The following PADI1 variants were observed in gnomAD, a reference collection of about 807,000 sequenced individuals.
PADI1 encodes the protein peptidyl arginine deiminase 1, also known as protein-arginine deiminase type-1.
PADI1 carries 65 observed loss-of-function variants against 74.8 expected under a neutral mutation model. The ratio of observed to expected loss-of-function variants is 0.87; its 90% CI spans 0.71 to 1.07. The LOEUF (loss-of-function observed/expected upper bound fraction) is 1.07, where lower values mean the gene tolerates loss of function less well. PADI1 is among the 50% of genes least tolerant of loss of function. The probability of loss-of-function intolerance (pLI) is 0.00; values close to 1 mark genes in which losing one functional copy is unlikely to be tolerated. For missense variants in PADI1, 943 were observed against 854.0 expected (o/e 1.10, Z -1.30); for synonymous variants, 371 against 336.2 (o/e 1.10, Z -1.13).
rs1183493800 is a variant in PADI1, at chr1:17,222,301, A to C, written c.104A>C (p.Lys35Thr). 6.2e-7 allele frequency: 1 copy of C among 1,613,736 alleles called. No homozygotes were observed. Among genetic ancestry groups the C allele is most frequent in the East Asian group, 2.2e-5 (1 of 44,854 alleles). ...AHVDIHSDVP[K>T]GANSFRVSGS... ...CTCTTCTCTGCCAGTGATGTGCCCA[A>C]GGGTGCCAACAGCTTCAGGGTCTCT... The change falls in exon 2 of 16, where the codon AAG (lysine) becomes ACG (threonine). Residue 35 changes from lysine (K) to threonine (T), a missense_variant. By Grantham distance (78) the Lys-to-Thr change is moderately conservative (BLOSUM62 -1). Coordinates refer to ENST00000375471, the MANE Select transcript of PADI1 (RefSeq NM_013358.3).
At chr1:17,240,607 T>C in intron 14 of PADI1, 28 bp from the exon 15 acceptor site, 1 of 1,610,284 alleles carries the variant, frequency 6.2e-7, no homozygotes, top group South Asian at 1.1e-5. Context: ...TTCCTAGTCC[T>C]GGGCTGCCCA....
rs1350404399 is a variant in PADI1 at position 17,237,411 on chromosome 1, G to A, written c.1411G>A (p.Gly471Ser). 1.2e-6 allele frequency: 2 copies of A among 1,613,592 alleles called. No individual in the cohort carries two copies. Among genetic ancestry groups the A allele is most frequent in the Admixed American group, 3.3e-5 (2 of 59,966 alleles). The change falls in exon 12 of 16, where the codon GGC (glycine) becomes AGC (serine). Residue 471 changes from glycine (G) to serine (S), a missense_variant. Transcript: ENST00000375471. Reference sequence around the variant, plus strand: ...GCTCTACTCGGACTGGCTCTCTGTGGGCCATGTGGACGAGTTTCTGACCTT... The same window carrying A: ...GCTCTACTCGGACTGGCTCTCTGTGAGCCATGTGGACGAGTTTCTGACCTT... ...VELYSDWLSV[G>S]HVDEFLTFVP...
intron 1 of PADI1, among the ~76,000 whole-genome samples, chr1:17,207,397 C>A (rs1164133834): frequency 6.6e-6 from 1 of 152,314 alleles, no homozygotes; most frequent in South Asian, 2.1e-4. Flanking sequence ...GCTGCACTTC[C>A]GAGCCTCAGT....
chr1:17,224,236 G>C (rs995317398), intron 3 of PADI1, 131 bp from the exon 4 acceptor site: 3 of 744,244 alleles, frequency 4.0e-6, no homozygotes, highest in African/African-American at 3.5e-5. Flanking sequence ...CAAGTGTGGG[G>C]TCTGACCCCC....
chr1:17,225,479 C>T (rs1282619239), intron 4 of PADI1, among the ~76,000 whole-genome samples: 2 of 152,162 alleles, frequency 1.3e-5, no homozygotes, highest in Non-Finnish European at 2.9e-5. Context: ...CAGGCAGCCT[C>T]TGCCCACCCC....
At chr1:17,224,075 C>T (rs551989215) in intron 3 of PADI1, among the ~76,000 whole-genome samples, 49 of 152,368 alleles carry the variant, frequency 3.2e-4, no homozygotes, top group Admixed American at 9.8e-4. Context: ...GTCCCCAGTT[C>T]TCAGAGTTTG....
rs749108583 is a variant in PADI1, at chr1:17,226,067, C to T, written c.561C>T (p.Cys187=). Residue 187 remains cysteine (C), a synonymous_variant, in exon 6 of 16, where the codon TGC becomes TGT. Transcript: ENST00000375471. ...LQDMSPMLLS[C]NGPDKLFDSH... ...ACATGTCCCCAATGCTGCTGAGCTG[C>T]AATGGCCCCGACAAGCTCTTCGACA... The T allele has an allele frequency of 5.6e-6, 9 of 1,614,072 alleles. No homozygotes were observed. Among genetic ancestry groups the T allele is most frequent in the African/African-American group, 1.3e-5 (1 of 74,918 alleles).
chr1:17,229,769 C>T (rs889876041), intron 8 of PADI1, among the ~76,000 whole-genome samples: 1 of 152,176 alleles, frequency 6.6e-6, no homozygotes, highest in African/African-American at 2.4e-5. Flanking sequence ...GGGCTACCTG[C>T]CCCTCACTGC....
At chr1:17,230,514 C>A in intron 9 of PADI1, 58 bp from the exon 10 acceptor site, 3 of 1,230,134 alleles carry the variant, frequency 2.4e-6, no homozygotes, top group South Asian at 1.4e-5. Context: ...GGGGACCACC[C>A]TGTTCTGTAA....
rs141463441 is a variant in PADI1 at position 17,225,792 on chromosome 1, G to T, written c.409-19G>T. Reference sequence around the variant, plus strand: ...CCTCCTGGGTCCCACTGATCCCAAGGCATCTTATTTTGCCACAGAAAACCT... The same window carrying T: ...CCTCCTGGGTCCCACTGATCCCAAGTCATCTTATTTTGCCACAGAAAACCT... On this transcript the variant is annotated intron_variant, in intron 4 of 15. Transcript: ENST00000375471. 22 of 1,598,212 alleles carry T rather than the reference G, an allele frequency of 1.4e-5. No individual in the cohort carries two copies. Among genetic ancestry groups the T allele is most frequent in the Non-Finnish European group, 1.7e-5 (20 of 1,165,892 alleles).
In PADI1 at chr1:17,244,144, T is replaced by C; in HGVS notation, c.1893T>C (p.Asp631=). 5 of 1,614,240 alleles carry C rather than the reference T, an allele frequency of 3.1e-6. No homozygotes were observed. Among genetic ancestry groups the C allele is most frequent in the Non-Finnish European group, 4.2e-6 (5 of 1,180,036 alleles). The change falls in exon 16 of 16, where the codon GAT becomes GAC. Residue 631 remains aspartate (D), a synonymous_variant. Transcript: ENST00000375471. ...TGGGCCTGCACTGCATCTTCATTGATGACTACTTGTCCTACCACGAGCTGC... is the reference window on the plus strand; with the variant it reads ...TGGGCCTGCACTGCATCTTCATTGACGACTACTTGTCCTACCACGAGCTGC... ...EPLGLHCIFI[D]DYLSYHELQG...
chr1:17,214,903 C>T (rs1056562832), intron 1 of PADI1, among the ~76,000 whole-genome samples: 1 of 152,246 alleles, frequency 6.6e-6, no homozygotes, highest in Admixed American at 6.5e-5. Flanking sequence ...CCGGCATAAC[C>T]TGCCTTGCTT....
At position 17,224,430 on chromosome 1, in the gene PADI1, T is replaced by A; in HGVS notation, c.408+2T>A. The A allele has an allele frequency of 6.2e-7, 1 of 1,612,894 alleles. No homozygotes were observed. The highest frequency in any genetic ancestry group is 8.5e-7 in the Non-Finnish European group (1 of 1,179,210). Reference sequence around the variant, plus strand: ...GTGAAGAGGAGCCAAGGGGACAAGGTGAGACCCTTCCGGGCACCCCAAGGC... The same window carrying A: ...GTGAAGAGGAGCCAAGGGGACAAGGAGAGACCCTTCCGGGCACCCCAAGGC... On this transcript the variant is annotated splice_donor_variant, in intron 4 of 15. Transcript: ENST00000375471. LOFTEE classifies it high-confidence loss of function.
In PADI1 at chr1:17,239,513, A is replaced by G. The variant is rs148669081; in HGVS notation, c.1553-191A>G. The G allele has an allele frequency of 1.7e-3, 979 of 559,752 alleles. 11 individuals are homozygous for G. Among genetic ancestry groups the G allele is most frequent in the African/African-American group, 0.017 (900 of 53,114 alleles). The allele number at this position is 559,752 out of a possible 1,614,324, so 34.7% of individuals were successfully genotyped here. On this transcript the variant is annotated intron_variant, in intron 13 of 15. Transcript: ENST00000375471. ...TCACTTCCTGAGGGGTTCCTTATCCATCACCAGGTTTTCCTTGCAGCCATG... is the reference window on the plus strand; with the variant it reads ...TCACTTCCTGAGGGGTTCCTTATCCGTCACCAGGTTTTCCTTGCAGCCATG...
At chr1:17,237,592 C>A in intron 12 of PADI1, 134 bp downstream of exon 12, 1 of 782,022 alleles carries the variant, frequency 1.3e-6, no homozygotes, top group Non-Finnish European at 1.9e-6. Flanking sequence ...TTTTCTGGGT[C>A]AGGGCACCCT....
At chr1:17,212,736 G>A (rs1180054040) in intron 1 of PADI1, among the ~76,000 whole-genome samples, 3 of 152,158 alleles carry the variant, frequency 2.0e-5, no homozygotes, top group Non-Finnish European at 4.4e-5. Flanking sequence ...GGGGCTGGCC[G>A]GGATGACCTC....
chr1:17,223,813 G>T, intron 3 of PADI1, 120 bp downstream of exon 3: 1 of 795,042 alleles, frequency 1.3e-6, no homozygotes. Flanking sequence ...ATCACTGAGG[G>T]GCTTGGATTC....
At chr1:17,241,374 T>C (rs2072773237) in intron 15 of PADI1, among the ~76,000 whole-genome samples, 1 of 152,276 alleles carries the variant, frequency 6.6e-6, no homozygotes, top group Non-Finnish European at 1.5e-5. Context: ...CTGGCAGGGA[T>C]GGTCCCCCGG....
intron 1 of PADI1, among the ~76,000 whole-genome samples, chr1:17,220,561 C>T (rs1247295734): frequency 6.6e-6 from 1 of 152,106 alleles, no homozygotes; most frequent in Non-Finnish European, 1.5e-5. Flanking sequence ...GTGAGCAAAA[C>T]AGACAAAATT....
Sources: allele counts gnomAD v4.1 joint callset (sites outside exome capture counted in the v4.1 genomes callset), GRCh38; gene constraint gnomAD v4.1.1; transcripts MANE v1.5; gene names NCBI Gene and HGNC (gene_info 2026-07-23, HGNC 2026-07-21).